Variants in KIRREL2 observed in about 807,000 individuals in gnomAD.
The protein encoded by KIRREL2 is kirre like nephrin family adhesion molecule 2.
In KIRREL2, 56 loss-of-function variants were observed where a neutral mutation model predicts 73.4. The ratio of observed to expected loss-of-function variants is 0.76; its 90% CI spans 0.62 to 0.95. The LOEUF is 0.95. Ranked by LOEUF, KIRREL2 falls within the 40% of genes least tolerant of loss-of-function variation. KIRREL2 has a pLI of 0.00. For synonymous variants in KIRREL2, 407 were observed against 404.0 expected, an observed-to-expected ratio of 1.01 and a Z score of -0.09; for missense variants, 896 against 935.0, an observed-to-expected ratio of 0.96 and a Z score of 0.54.
At chr19:35,858,635 G>T (rs1973531173) in intron 3 of KIRREL2, 69 bp from the exon 4 acceptor site, 3 of 1,607,924 alleles carry the variant, frequency 1.9e-6, no homozygotes, top group Non-Finnish European at 2.6e-6. Context: ...AGCCCAGGGA[G>T]CCCAGGGGCA....
upstream of KIRREL2, among the ~76,000 whole-genome samples, chr19:35,853,837 ATTTTTTTTTTTTTTT>A (rs759219505): frequency 1.4e-5 from 1 of 69,430 alleles, no homozygotes; most frequent in Non-Finnish European, 2.7e-5. Flanking sequence ...CACTCTGGCT[ATTTTTTTTTTTTTTT>A]TTTTTTTTTT....
At chr19:35,854,255 G>A (rs537551778), upstream of KIRREL2, among the ~76,000 whole-genome samples, 49 of 152,250 alleles carry the variant, frequency 3.2e-4, 1 homozygote, top group South Asian at 5.2e-3. Flanking sequence ...GCCTCCCAAA[G>A]TACTAGGATT....
chr19:35,856,405 CAG>C (rs1199650191), upstream of KIRREL2, among the ~76,000 whole-genome samples: 4 of 152,186 alleles, frequency 2.6e-5, no homozygotes, highest in Non-Finnish European at 5.9e-5. The surrounding 1 kb of genome is among the most constrained non-coding windows in gnomAD (Gnocchi z 5.9). Context: ...AACAAGGGAA[CAG>C]AGGGATATTT....
Position 35,866,618 on chromosome 19 carries a change from C to A in KIRREL2, c.*126C>A. ...ACTGAACACAAGGGGAGGGAAAGAT[C>A]ATTACATTTGTCAGGAGCATTTGTA... On this transcript the variant is annotated 3_prime_UTR_variant, in exon 15 of 15. Transcript: ENST00000360202. 1.4e-6 allele frequency: 2 copies of A among 1,393,654 alleles called. No individual in the cohort carries two copies. The highest frequency in any genetic ancestry group is 2.4e-5 in the South Asian group (2 of 82,328). 86.3% of individuals were successfully genotyped at this position (1,393,654 alleles called of 1,614,324 possible).
At chr19:35,852,034 A>C (rs1973280123), upstream of KIRREL2, among the ~76,000 whole-genome samples, 1 of 148,532 alleles carries the variant, frequency 6.7e-6, no homozygotes, top group Non-Finnish European at 1.5e-5. Context: ...TCTCAGTCTC[A>C]ATCTCTGAGT....
intron 1 of KIRREL2, 75 bp downstream of exon 1, chr19:35,857,255 G>A (rs1011953671): frequency 6.2e-7 from 1 of 1,605,142 alleles, no homozygotes; most frequent in African/African-American, 1.3e-5. Context: ...TCACTAGCGA[G>A]AAGGGAGCTG....
rs369124252 is a variant in KIRREL2, at chr19:35,862,980, G to A, written c.1669G>A (p.Asp557Asn). ...KNLMRIPGSS[D>N]GSSSRGPEEE... ...CCTGATGCGAATCCCTGGCAGCAGC[G>A]ACGGCTCCAGTTCACGAGGTCCTGA... is the stretch of plus-strand genomic sequence containing the variant. The change falls in exon 13 of 15, where the codon GAC (aspartate) becomes AAC (asparagine). Residue 557 changes from aspartate to asparagine, a missense_variant. Asp to Asn is a conservative substitution (Grantham distance 23). Transcript: ENST00000360202. The A allele has an allele frequency of 3.1e-5, 49 of 1,593,170 alleles. No individual in the cohort carries two copies. The African/African-American group carries it at 3.3e-4, about 11-fold the overall frequency.
In KIRREL2 at chr19:35,861,239, C is replaced by G. The variant is rs367559382; in HGVS notation, c.1174C>G (p.Arg392Gly). Reference sequence around the variant, plus strand: ...CCTGCGGGGCGGCGCCGCGGAGGCTCGGCTGACTGTGAACGGTGAGAAGGC... The same window carrying G: ...CCTGCGGGGCGGCGCCGCGGAGGCTGGGCTGACTGTGAACGGTGAGAAGGC... ...SGLRGGAAEA[R>G]LTVNAPPVVT... is the part of the protein sequence containing the mutation. The change falls in exon 9 of 15, where the codon CGG becomes GGG. Residue 392 changes from arginine to glycine, a missense_variant. Physicochemically the swap from Arg to Gly is moderately radical, Grantham distance 125 (BLOSUM62 -2). Transcript: ENST00000360202. 19 of 1,532,340 alleles carry G rather than the reference C, an allele frequency of 1.2e-5. No individual in the cohort carries two copies. In the African/African-American group the frequency reaches 1.8e-4, roughly 15 times the overall value. The allele number at this position is 1,532,340 out of a possible 1,614,324, so 94.9% of individuals were successfully genotyped here.
intron 13 of KIRREL2, 38 bp from the exon 14 acceptor site, chr19:35,864,610 C>A: frequency 6.4e-7 from 1 of 1,554,820 alleles, no homozygotes; most frequent in Non-Finnish European, 8.9e-7. Flanking sequence ...GCGGGGGGAT[C>A]CTCTGACTAT....
chr19:35,863,424 A>ATTTT (rs1410982721), intron 13 of KIRREL2, among the ~76,000 whole-genome samples: 3,410 of 120,250 alleles, frequency 0.028, 203 homozygotes, highest in African/African-American at 0.11. Flanking sequence ...CCCTGTCTCC[A>ATTTT]TTTTTTTTTT....
intron 13 of KIRREL2, among the ~76,000 whole-genome samples, chr19:35,864,022 G>A (rs11084832): frequency 4.0e-5 from 6 of 151,768 alleles, no homozygotes; most frequent in African/African-American, 4.8e-5. Context: ...TGATCCGCTC[G>A]TCTCGGCCTC....
chr19:35,860,748 G>A, intron 7 of KIRREL2, 81 bp downstream of exon 7: 1 of 1,586,410 alleles, frequency 6.3e-7, no homozygotes, highest in East Asian at 2.2e-5. Context: ...CTGGAGGGGC[G>A]GGGCCGGGAG....
upstream of KIRREL2, among the ~76,000 whole-genome samples, chr19:35,853,140 A>G (rs1158327023): frequency 6.6e-6 from 1 of 152,062 alleles, no homozygotes; most frequent in Non-Finnish European, 1.5e-5. Context: ...GATGTCAGGG[A>G]TCTCTGCTGG....
chr19:35,864,460 G>A (rs1973867052), intron 13 of KIRREL2, among the ~76,000 whole-genome samples, 188 bp from the exon 14 acceptor site: 1 of 152,134 alleles, frequency 6.6e-6, no homozygotes, highest in East Asian at 1.9e-4. Flanking sequence ...AAAGTGCTGG[G>A]ATTACATGCA....
upstream of KIRREL2, among the ~76,000 whole-genome samples, chr19:35,856,409 G>A (rs533603799): frequency 7.2e-5 from 11 of 152,320 alleles, no homozygotes; most frequent in Non-Finnish European, 1.5e-4. The surrounding 1 kb of genome is among the most constrained non-coding windows in gnomAD (Gnocchi z 5.9). Flanking sequence ...AGGGAACAGA[G>A]GGATATTTTG....
At chr19:35,852,523 G>C (rs1191459009), upstream of KIRREL2, among the ~76,000 whole-genome samples, 3 of 152,058 alleles carry the variant, frequency 2.0e-5, no homozygotes, top group African/African-American at 7.2e-5. Context: ...ACCTCCCCCA[G>C]GTACCTTCCA....
upstream of KIRREL2, among the ~76,000 whole-genome samples, chr19:35,854,115 G>T (rs1973350302): frequency 6.6e-6 from 1 of 151,988 alleles, no homozygotes; most frequent in African/African-American, 2.4e-5. Context: ...AAAGTGCTGG[G>T]ATTACAGGTG....
chr19:35,855,692 CACACACACACACACAT>C (rs1273961030), upstream of KIRREL2, among the ~76,000 whole-genome samples: 75 of 149,310 alleles, frequency 5.0e-4, 2 homozygotes, highest in Middle Eastern at 3.4e-3. Context: ...CACACACACA[CACACACACACACACAT>C]ACACACAGGA....
chr19:35,857,810 C>T (rs1973490855), intron 2 of KIRREL2, among the ~76,000 whole-genome samples: 1 of 151,948 alleles, frequency 6.6e-6, no homozygotes, highest in Non-Finnish European at 1.5e-5. Context: ...ATAACAAGAC[C>T]TTATCTCTAC....
Sources: gnomAD v4.1 joint callset for allele counts (sites outside exome capture counted in the v4.1 genomes callset) on GRCh38, gnomAD v4.1.1 for gene constraint, Gnocchi (gnomAD v3.1) non-coding constraint, MANE v1.5 for transcripts, NCBI Gene and HGNC (gene_info 2026-07-23, HGNC 2026-07-21) for gene names.